Variants in COG7 observed in about 807,000 individuals in gnomAD.
COG7 encodes component of oligomeric golgi complex 7.
In COG7, 49 loss-of-function variants were observed where a neutral mutation model predicts 91.5. The ratio of observed to expected loss-of-function variants is 0.54; its 90% CI spans 0.43 to 0.68. The LOEUF (loss-of-function observed/expected upper bound fraction) is 0.68, where lower values mean the gene tolerates loss of function less well. COG7 is among the 30% of genes least tolerant of loss of function. The pLI is 0.00. For synonymous variants in COG7, 365 were observed against 388.7 expected, an observed-to-expected ratio of 0.94 and a Z score of 0.72; for missense variants, 895 against 961.3, an observed-to-expected ratio of 0.93 and a Z score of 0.91.
Position 23,430,829 on chromosome 16 carries a change from C to T in COG7, c.810+2716G>A, listed in dbSNP as rs115802262. Among the ~76,000 whole-genome samples the T allele has an allele frequency of 9.3e-3, 1,407 of 151,958 alleles. 23 individuals carry two copies. The highest frequency in any genetic ancestry group is 0.033 in the African/African-American group (1,351 of 41,476). On this transcript the variant is annotated intron_variant, in intron 6 of 16. Coordinates refer to ENST00000307149, the MANE Select transcript of COG7 (RefSeq NM_153603.4). ...GTGCTGGGATTACAGGTGTGAAACACCACGCCCAGTCTTGTAACTTATTTT... is the reference window on the plus strand; with the variant it reads ...GTGCTGGGATTACAGGTGTGAAACATCACGCCCAGTCTTGTAACTTATTTT...
chr16:23,405,964 A>T, intron 12 of COG7, 112 bp downstream of exon 12: 1 of 895,488 alleles, frequency 1.1e-6, no homozygotes, highest in Admixed American at 1.7e-5. Flanking sequence ...GTAGCAGGGT[A>T]CGTCACAGCC....
intron 11 of COG7, among the ~76,000 whole-genome samples, chr16:23,409,210 C>T (rs988078493): frequency 1.3e-4 from 20 of 152,088 alleles, no homozygotes; most frequent in African/African-American, 3.6e-4. Flanking sequence ...CACCAACAGG[C>T]GGGTGGCAGA....
chr16:23,401,795 C>T (rs1224480965), intron 13 of COG7, among the ~76,000 whole-genome samples: 1 of 151,846 alleles, frequency 6.6e-6, no homozygotes, highest in East Asian at 1.9e-4. Context: ...GTGGCTCATG[C>T]CTGTAATCCC....
rs1964296141 is a variant in COG7, at chr16:23,453,179, G to A, written c.-185C>T. ...CTCAGCGCACTCAGTTTGCGGCTGG[G>A]AATGACCCTCGCCGCCCGCCGTTCT... On this transcript the variant is annotated 5_prime_UTR_variant, in exon 1 of 17. Coordinates refer to ENST00000307149, the MANE Select transcript of COG7 (RefSeq NM_153603.4). 2.9e-6 allele frequency: 4 copies of A among 1,357,878 alleles called. No homozygotes were observed. Among genetic ancestry groups the A allele is most frequent in the African/African-American group, 1.5e-5 (1 of 68,316 alleles). The allele number at this position is 1,357,878 out of a possible 1,614,324, so 84.1% of individuals were successfully genotyped here.
intron 14 of COG7, among the ~76,000 whole-genome samples, chr16:23,394,068 A>C (rs1243704310): frequency 2.0e-5 from 3 of 152,044 alleles, no homozygotes; most frequent in African/African-American, 7.2e-5. Context: ...AAAAAAAAAA[A>C]AAAAACCTGT....
chr16:23,402,453 T>C (rs30015), intron 13 of COG7, among the ~76,000 whole-genome samples: 42,061 of 151,920 alleles, frequency 0.28, 6,397 homozygotes, highest in African/African-American at 0.41. Context: ...AAAATGAGAA[T>C]CACAGAAAAG....
At chr16:23,451,629 C>T (rs888848158) in intron 1 of COG7, among the ~76,000 whole-genome samples, 3 of 149,762 alleles carry the variant, frequency 2.0e-5, no homozygotes, top group South Asian at 2.1e-4. Flanking sequence ...CTGAGGCGAG[C>T]GGACTGCTTG....
chr16:23,421,246 T>A (rs1018767794), intron 7 of COG7, among the ~76,000 whole-genome samples: 1 of 151,708 alleles, frequency 6.6e-6, no homozygotes, highest in African/African-American at 2.4e-5. Flanking sequence ...AAGGGTAAAA[T>A]TAAAAGTTAG....
chr16:23,425,003 C>A, intron 6 of COG7, 56 bp from the exon 7 acceptor site: 1 of 1,507,166 alleles, frequency 6.6e-7, no homozygotes, highest in Non-Finnish European at 9.0e-7. Flanking sequence ...TAGGAGCCCA[C>A]CTTTTTTAAA....
At chr16:23,443,310 C>A (rs1335737569) in intron 3 of COG7, among the ~76,000 whole-genome samples, 1 of 152,036 alleles carries the variant, frequency 6.6e-6, no homozygotes, top group East Asian at 1.9e-4. Context: ...TTTTCAGAGG[C>A]TGAGGCAGGA....
In COG7 at chr16:23,388,631, T is replaced by G; in HGVS notation, c.*289A>C. The G allele has an allele frequency of 4.7e-6, 1 of 210,696 alleles. No individual in the cohort carries two copies. Among genetic ancestry groups the G allele is most frequent in the South Asian group, 1.2e-4 (1 of 8,458 alleles). 13.1% of individuals were successfully genotyped at this position (210,696 alleles called of 1,614,324 possible). On this transcript the variant is annotated 3_prime_UTR_variant, in exon 17 of 17. Transcript: ENST00000307149. The stretch of plus-strand genomic sequence containing the variant: ...TATACAAATGAACCAAGTCTTTTTT[T>G]TTTTTTTTTTTGAGACAGAGTCTCG...
chr16:23,452,650 C>A, intron 1 of COG7, 176 bp downstream of exon 1: 1 of 1,409,732 alleles, frequency 7.1e-7, no homozygotes, highest in Non-Finnish European at 9.3e-7. Flanking sequence ...CAAGACAGCC[C>A]GGCACCCAGC....
chr16:23,394,688 G>A (rs1220293912), intron 14 of COG7, among the ~76,000 whole-genome samples: 34 of 152,070 alleles, frequency 2.2e-4, no homozygotes, highest in Admixed American at 2.1e-3. Flanking sequence ...ACACAGACTC[G>A]AAAATCTACC....
chr16:23,395,699 C>A (rs892706467), intron 14 of COG7, among the ~76,000 whole-genome samples: 1 of 152,212 alleles, frequency 6.6e-6, no homozygotes, highest in African/African-American at 2.4e-5. Context: ...TCTCTATTCA[C>A]TCCTTGGAAA....
At chr16:23,419,799 G>A (rs1484627237) in intron 7 of COG7, among the ~76,000 whole-genome samples, 3 of 138,374 alleles carry the variant, frequency 2.2e-5, no homozygotes, top group African/African-American at 8.1e-5. Context: ...AATACAGGAA[G>A]AACAATTCCC....
chr16:23,421,531 G>C (rs1275746678), intron 7 of COG7, among the ~76,000 whole-genome samples: 1 of 151,460 alleles, frequency 6.6e-6, no homozygotes, highest in Non-Finnish European at 1.5e-5. Flanking sequence ...TAAAGAATAA[G>C]CAATTCAAAA....
At chr16:23,410,160 T>A in intron 11 of COG7, 135 bp downstream of exon 11, 1 of 727,082 alleles carries the variant, frequency 1.4e-6, no homozygotes, top group Non-Finnish European at 2.5e-6. Context: ...ACACGCTGTA[T>A]CTAGGTACAG....
rs369925544 is a variant in COG7 at position 23,439,029 on chromosome 16, G to C, written c.604+3448C>G. On this transcript the variant is annotated intron_variant, in intron 4 of 16. Coordinates refer to ENST00000307149, the MANE Select transcript of COG7 (RefSeq NM_153603.4). The stretch of plus-strand genomic sequence containing the variant: ...AAAAATTAGCTAGGTGTGGTGGTGC[G>C]CACCTTTAATCCCAGCTACTCGGGA... 4.0e-5 allele frequency among the ~76,000 whole-genome samples: 6 copies of C among 151,324 alleles called. No individual in the cohort carries two copies. The East Asian group carries it at 5.8e-4, about 15-fold the overall frequency.
At chr16:23,433,761 T>A in intron 5 of COG7, 94 bp from the exon 6 acceptor site, 1 of 1,491,856 alleles carries the variant, frequency 6.7e-7, no homozygotes, top group Non-Finnish European at 9.2e-7. Flanking sequence ...TAATCACGGA[T>A]TGCTCAATGG....
Sources: gnomAD v4.1 joint callset for allele counts (sites outside exome capture counted in the v4.1 genomes callset) on GRCh38, gnomAD v4.1.1 for gene constraint, MANE v1.5 for transcripts, NCBI Gene and HGNC (gene_info 2026-07-23, HGNC 2026-07-21) for gene names.